The following NFIA variants were observed in gnomAD, a reference collection of about 807,000 sequenced individuals.
The protein encoded by NFIA is nuclear factor 1 A-type.
A neutral mutation model predicts 62.8 loss-of-function variants in NFIA; 8 were observed. The ratio of observed to expected loss-of-function variants is 0.13; its 90% CI spans 0.07 to 0.23. The LOEUF (loss-of-function observed/expected upper bound fraction) is 0.23, where lower values mean the gene tolerates loss of function less well. Among genes scored for constraint, NFIA ranks in the 10% least tolerant of loss-of-function variants. NFIA has a pLI of 1.00. For missense variants in NFIA, 410 were observed against 642.1 expected (o/e 0.64, Z 3.91); for synonymous variants, 235 against 238.1 (o/e 0.99, Z 0.12).
Position 61,398,927 on chromosome 1 carries a change from G to A in NFIA, c.1076-5177G>A, listed in dbSNP as rs535528384. On this transcript the variant is annotated intron_variant, in intron 7 of 10. Transcript: ENST00000403491. ...TGAAGAAGCAAGATACATAGTAGTTGACAACCCAAGCCATTTTTATGTTCT... is the reference window on the plus strand; with the variant it reads ...TGAAGAAGCAAGATACATAGTAGTTAACAACCCAAGCCATTTTTATGTTCT... Among the ~76,000 whole-genome samples, 5 of 152,288 alleles carry A rather than the reference G, an allele frequency of 3.3e-5. No individual in the cohort carries two copies. The East Asian group carries it at 9.6e-4, about 29-fold the overall frequency.
At chr1:61,145,417 G>T (rs1162020207) in intron 2 of NFIA, among the ~76,000 whole-genome samples, 1 of 152,080 alleles carries the variant, frequency 6.6e-6, no homozygotes, top group Non-Finnish European at 1.5e-5. Context: ...ATTATCTACT[G>T]GATGACTTAG....
At chr1:61,442,487 ATAAAT>A (rs1667629081) in intron 10 of NFIA, among the ~76,000 whole-genome samples, 1 of 152,194 alleles carries the variant, frequency 6.6e-6, no homozygotes, top group African/African-American at 2.4e-5. Context: ...ATCCACATGA[ATAAAT>A]TAAATCCTCA....
intron 2 of NFIA, among the ~76,000 whole-genome samples, chr1:61,195,382 G>T (rs534112641): frequency 3.3e-5 from 5 of 152,178 alleles, no homozygotes; most frequent in African/African-American, 9.6e-5. Flanking sequence ...CCAAGGAGCC[G>T]GAAGTCTTTC....
chr1:61,365,026 A>G (rs1663511089), intron 6 of NFIA, among the ~76,000 whole-genome samples: 1 of 152,170 alleles, frequency 6.6e-6, no homozygotes, highest in Non-Finnish European at 1.5e-5. Context: ...CTCTACAAAA[A>G]AAAATTTTTA....
intron 9 of NFIA, among the ~76,000 whole-genome samples, chr1:61,417,474 C>T (rs1000495781): frequency 6.6e-6 from 1 of 151,314 alleles, no homozygotes; most frequent in Non-Finnish European, 1.5e-5. Context: ...CCAGCATATC[C>T]TTAGACATGT....
chr1:61,435,840 T>G (rs898739718), intron 10 of NFIA, among the ~76,000 whole-genome samples: 1 of 152,220 alleles, frequency 6.6e-6, no homozygotes, highest in East Asian at 1.9e-4. Flanking sequence ...TCTTTTTTCC[T>G]ATTCCCTGAT....
At position 61,402,877 on chromosome 1, in the gene NFIA, C is replaced by A. The variant is rs371236575; in HGVS notation, c.1076-1227C>A. Among the ~76,000 whole-genome samples, 12 of 152,302 alleles carry A rather than the reference C, an allele frequency of 7.9e-5. No homozygotes were observed. The East Asian group carries it at 2.3e-3, about 29-fold the overall frequency. On this transcript the variant is annotated intron_variant, in intron 7 of 10. Coordinates refer to ENST00000403491, the MANE Select transcript of NFIA (RefSeq NM_001134673.4). ...AGCATGAGCCATTTCAGTCATTAGTCAGAAAGTGCCCCAATCATGAGGAGA... is the reference window on the plus strand; with the variant it reads ...AGCATGAGCCATTTCAGTCATTAGTAAGAAAGTGCCCCAATCATGAGGAGA...
chr1:61,204,412 G>C (rs1652753580), intron 2 of NFIA, among the ~76,000 whole-genome samples: 1 of 152,230 alleles, frequency 6.6e-6, no homozygotes, highest in Admixed American at 6.5e-5. Context: ...TTTGGATTTA[G>C]AGCATGGATG....
intron 2 of NFIA, among the ~76,000 whole-genome samples, chr1:61,185,656 T>A (rs933043744): frequency 5.3e-5 from 8 of 150,540 alleles, no homozygotes; most frequent in Non-Finnish European, 1.0e-4. Context: ...TTTTTTTTTT[T>A]AACCGTGACT....
At chr1:61,303,918 G>A (rs1375193494) in intron 3 of NFIA, among the ~76,000 whole-genome samples, 4 of 152,162 alleles carry the variant, frequency 2.6e-5, no homozygotes, top group Non-Finnish European at 1.5e-5. Context: ...GTACACTGTA[G>A]GAGACAAGGG....
At chr1:61,333,296 C>G (rs1190142844) in intron 4 of NFIA, among the ~76,000 whole-genome samples, 1 of 152,134 alleles carries the variant, frequency 6.6e-6, no homozygotes, top group Non-Finnish European at 1.5e-5. Flanking sequence ...GCAGCATCAG[C>G]CCTTTGTGGA....
chr1:61,186,956 T>C (rs1651229229), intron 2 of NFIA, among the ~76,000 whole-genome samples: 1 of 152,172 alleles, frequency 6.6e-6, no homozygotes, highest in African/African-American at 2.4e-5. Context: ...TATCCCTGCT[T>C]AGTCACTTTG....
chr1:61,399,744 C>A (rs192692686), intron 7 of NFIA, among the ~76,000 whole-genome samples: 7 of 152,272 alleles, frequency 4.6e-5, no homozygotes, highest in Admixed American at 2.6e-4. Flanking sequence ...CTCCCTGATA[C>A]CATCCTATTT....
intron 1 of NFIA, among the ~76,000 whole-genome samples, chr1:61,085,565 C>G (rs908837333): frequency 1.3e-5 from 2 of 151,744 alleles, no homozygotes; most frequent in African/African-American, 4.8e-5. Flanking sequence ...TAAGGGCACA[C>G]TACTTTTTTT....
chr1:61,321,891 A>G (rs975479365), intron 3 of NFIA, among the ~76,000 whole-genome samples: 8 of 152,310 alleles, frequency 5.3e-5, no homozygotes, highest in South Asian at 4.2e-4. Context: ...CTTTCTTTCT[A>G]TGAAGTCATT....
chr1:61,269,574 A>T (rs1657386539), intron 2 of NFIA, among the ~76,000 whole-genome samples: 1 of 152,096 alleles, frequency 6.6e-6, no homozygotes, highest in Non-Finnish European at 1.5e-5. Context: ...AAAGTGCAGG[A>T]GGTTTGGAGT....
intron 2 of NFIA, among the ~76,000 whole-genome samples, chr1:61,178,006 G>A (rs1385194391): frequency 6.6e-6 from 1 of 152,062 alleles, no homozygotes; most frequent in Non-Finnish European, 1.5e-5. Context: ...TTGGTATATG[G>A]CACCTTACAA....
chr1:61,390,076 G>A (rs1421912661), intron 7 of NFIA, among the ~76,000 whole-genome samples: 2 of 152,186 alleles, frequency 1.3e-5, no homozygotes, highest in Non-Finnish European at 2.9e-5. Context: ...CAGTTGCACT[G>A]CTGTGCTAGA....
At chr1:61,333,047 G>GCGCACA (rs1553174120) in intron 4 of NFIA, among the ~76,000 whole-genome samples, 1 of 144,688 alleles carries the variant, frequency 6.9e-6, no homozygotes, top group Admixed American at 7.0e-5. Context: ...TAGCATGCAC[G>GCGCACA]CACACACACA....
Sources: allele counts gnomAD v4.1 joint callset (sites outside exome capture counted in the v4.1 genomes callset), GRCh38; gene constraint gnomAD v4.1.1; transcripts MANE v1.5; gene names NCBI Gene and HGNC (gene_info 2026-07-23, HGNC 2026-07-21).